DDX60: variants seen among roughly 807,000 people sequenced by gnomAD.
DDX60 encodes DExD/H-box helicase 60.
In DDX60, 165 loss-of-function variants were observed where a neutral mutation model predicts 212.8. That is an observed-to-expected ratio of 0.78 (90% CI 0.68 to 0.88). The LOEUF (loss-of-function observed/expected upper bound fraction) is 0.88, where lower values mean the gene tolerates loss of function less well. DDX60 is among the 40% of genes least tolerant of loss of function. DDX60 has a pLI of 0.00. For missense variants in DDX60, 1,905 were observed against 2,003.9 expected, an observed-to-expected ratio of 0.95 and a Z score of 0.94; for synonymous variants, 703 against 685.3, an observed-to-expected ratio of 1.03 and a Z score of -0.40.
chr4:168,316,980 C>G (rs190022339), intron 1 of DDX60, among the ~76,000 whole-genome samples: 3 of 149,682 alleles, frequency 2.0e-5, no homozygotes, highest in African/African-American at 2.5e-5. Context: ...ATCGCTTGAA[C>G]CTGGGAGGCA....
At position 168,275,015 on chromosome 4, in the gene DDX60, C is replaced by T. The variant is rs565342310; in HGVS notation, c.2304+330G>A. On this transcript the variant is annotated intron_variant, in intron 16 of 37. Transcript: ENST00000393743. ...TTTAAACTATCCAAATTTCTCTATG[C>T]ACTTTATATATTTACATATGAAATC... is the stretch of plus-strand genomic sequence containing the variant. 7.9e-5 allele frequency among the ~76,000 whole-genome samples: 12 copies of T among 152,210 alleles called. 1 individual carries two copies. Among genetic ancestry groups the T allele is most frequent in the African/African-American group, 2.9e-4 (12 of 41,520 alleles).
chr4:168,324,090 T>C, the DDX60 span, among the ~76,000 whole-genome samples: 1 of 152,112 alleles, frequency 6.6e-6, no homozygotes, highest in East Asian at 1.9e-4. Context: ...GGAGACCACC[T>C]CTTTCTACAA....
chr4:168,250,078 C>T (rs191103755), intron 28 of DDX60, among the ~76,000 whole-genome samples: 13 of 152,280 alleles, frequency 8.5e-5, no homozygotes, highest in East Asian at 1.9e-4. Flanking sequence ...AAAATCCCTG[C>T]GCACTGTCAT....
chr4:168,319,785 G>A (rs936016726), upstream of DDX60, among the ~76,000 whole-genome samples: 10 of 152,164 alleles, frequency 6.6e-5, no homozygotes, highest in African/African-American at 1.9e-4. Context: ...ATGATAAGAA[G>A]CCACAGGCTG....
intron 14 of DDX60, among the ~76,000 whole-genome samples, chr4:168,277,340 A>T (rs371806530): frequency 2.3e-4 from 35 of 152,142 alleles, no homozygotes; most frequent in East Asian, 1.5e-3. Flanking sequence ...TGGGTGCCTC[A>T]TCGTTTTTGT....
chr4:168,288,221 A>T lies in DDX60; in HGVS notation c.1136T>A (p.Leu379His), dbSNP rs777169726. ...LIHLSDLNDE[L>H]LLKNIAFYYE... Reference sequence around the variant, plus strand: ...GTAAAAAGCAATATTCTTCAACAAAAGCTCATCATTTAAGTCAGAAAGGTG... The same window carrying T: ...GTAAAAAGCAATATTCTTCAACAAATGCTCATCATTTAAGTCAGAAAGGTG... The change falls in exon 9 of 38, where the codon CTT (leucine) becomes CAT (histidine). Residue 379 changes from leucine to histidine, a missense_variant. Transcript: ENST00000393743. 1 of 1,522,602 alleles carries T rather than the reference A, an allele frequency of 6.6e-7. No individual in the cohort carries two copies. Among genetic ancestry groups the T allele is most frequent in the East Asian group, 2.3e-5 (1 of 42,606 alleles). The allele number at this position is 1,522,602 out of a possible 1,614,324, so 94.3% of individuals were successfully genotyped here. A position where few individuals can be genotyped will look rare whatever the true frequency, so the allele number is the denominator to read the frequency against.
chr4:168,232,464 C>A (rs531608048), intron 33 of DDX60, among the ~76,000 whole-genome samples: 2 of 152,160 alleles, frequency 1.3e-5, no homozygotes, highest in African/African-American at 4.8e-5. Flanking sequence ...TCAAACTATA[C>A]TATACGGTTA....
chr4:168,285,427 C>T lies in DDX60; in HGVS notation c.1411G>A (p.Gly471Arg). Residue 471 changes from glycine (G) to arginine (R), a missense_variant, in exon 11 of 38, where the codon GGA becomes AGA. By Grantham distance (125) the Gly-to-Arg change is moderately radical. Coordinates refer to ENST00000393743, the MANE Select transcript of DDX60 (RefSeq NM_017631.6). ...AAAGGCAAATCTTTCAAAATATCTCCAGCAAATTTATCAACCACAAAAGAT... is the reference window on the plus strand; with the variant it reads ...AAAGGCAAATCTTTCAAAATATCTCTAGCAAATTTATCAACCACAAAAGAT... ...TSSFVVDKFA[G>R]DILKDLPFLK... 6.2e-7 allele frequency: 1 copy of T among 1,611,144 alleles called. No individual in the cohort carries two copies. Among genetic ancestry groups the T allele is most frequent in the Non-Finnish European group, 8.5e-7 (1 of 1,179,090 alleles).
At chr4:168,294,581 A>G (rs532550620) in intron 6 of DDX60, among the ~76,000 whole-genome samples, 1 of 152,142 alleles carries the variant, frequency 6.6e-6, no homozygotes, top group African/African-American at 2.4e-5. Flanking sequence ...GCTCATTGCA[A>G]TCTCTGCCTC....
chr4:168,228,160 C>T (rs1733324006), intron 33 of DDX60, among the ~76,000 whole-genome samples: 1 of 152,088 alleles, frequency 6.6e-6, no homozygotes, highest in Admixed American at 6.6e-5. Flanking sequence ...ACACTTTAGG[C>T]AGCTGTAACA....
At chr4:168,304,885 A>G (rs1335704378) in intron 5 of DDX60, among the ~76,000 whole-genome samples, 1 of 152,206 alleles carries the variant, frequency 6.6e-6, no homozygotes, top group Non-Finnish European at 1.5e-5. Context: ...GTATATATTA[A>G]TAACATCTAC....
At chr4:168,234,667 C>T (rs1435961663) in intron 33 of DDX60, among the ~76,000 whole-genome samples, 2 of 151,956 alleles carry the variant, frequency 1.3e-5, no homozygotes, top group South Asian at 2.1e-4. Context: ...CTACAATTAC[C>T]GACCTCTTTT....
At chr4:168,235,783 T>G (rs995047125) in intron 33 of DDX60, among the ~76,000 whole-genome samples, 3 of 152,082 alleles carry the variant, frequency 2.0e-5, no homozygotes, top group Non-Finnish European at 2.9e-5. Context: ...TTTCTCTGAT[T>G]TTGGTCTCTG....
At chr4:168,268,227 T>C (rs1734935567) in intron 20 of DDX60, among the ~76,000 whole-genome samples, 1 of 152,174 alleles carries the variant, frequency 6.6e-6, no homozygotes, top group African/African-American at 2.4e-5. Context: ...GGTATTCATA[T>C]TGGAACTGTG....
In DDX60 at chr4:168,306,498, T is replaced by G. The variant is rs773405476; in HGVS notation, c.487A>C (p.Ile163Leu). The change falls in exon 5 of 38, where the codon ATT (isoleucine) becomes CTT (leucine). Residue 163 changes from isoleucine (I) to leucine (L), a missense_variant. Ile to Leu is a conservative substitution (Grantham distance 5). Transcript: ENST00000393743. ...TTGACCTTCCTTGCCCAAGAATGAA[T>G]GATTAAAAAGTTGAAAAGCTGTGTT... is the stretch of plus-strand genomic sequence containing the variant. ...LQTQLFNFLI[I>L]HSWARKVNVV... 8 of 1,614,028 alleles carry G rather than the reference T, an allele frequency of 5.0e-6. No individual in the cohort carries two copies. The highest frequency in any genetic ancestry group is 6.8e-6 in the Non-Finnish European group (8 of 1,180,028).
chr4:168,295,926 G>T (rs1053617886), intron 6 of DDX60, among the ~76,000 whole-genome samples: 3 of 152,122 alleles, frequency 2.0e-5, no homozygotes, highest in Non-Finnish European at 4.4e-5. Flanking sequence ...AATACCAAAT[G>T]ATCTCACTTA....
chr4:168,265,756 A>G (rs1338384682), intron 22 of DDX60: 1 of 151,390 alleles, frequency 6.6e-6, no homozygotes, highest in Non-Finnish European at 1.5e-5. Context: ...TGTTTTTAAA[A>G]TGCCACATAA....
intron 4 of DDX60, 126 bp downstream of exon 4, chr4:168,307,880 C>T (rs1451240475): frequency 4.4e-6 from 2 of 458,218 alleles, no homozygotes; most frequent in East Asian, 8.8e-5. Flanking sequence ...TCTCTTCTTT[C>T]CTTTCAATTT....
chr4:168,304,701 C>T (rs1265270382), intron 5 of DDX60, among the ~76,000 whole-genome samples: 1 of 151,148 alleles, frequency 6.6e-6, no homozygotes, highest in Non-Finnish European at 1.5e-5. Context: ...GACACTGTCT[C>T]AAGAAAAATA....
Sources: gnomAD v4.1 joint callset for allele counts (sites outside exome capture counted in the v4.1 genomes callset) on GRCh38, gnomAD v4.1.1 for gene constraint, MANE v1.5 for transcripts, NCBI Gene and HGNC (gene_info 2026-07-23, HGNC 2026-07-21) for gene names.